TAS2R1: variants seen among roughly 807,000 people sequenced by gnomAD.
TAS2R1 encodes taste 2 receptor member 1.
For missense variants in TAS2R1, 370 were observed against 353.4 expected (o/e 1.05, Z -0.38); for synonymous variants, 141 against 134.2 (o/e 1.05, Z -0.35).
the TAS2R1 span, chr5:9,903,867 T>C: frequency 2.0e-5 from 3 of 152,064 alleles, no homozygotes; most frequent in Admixed American, 6.6e-5. Flanking sequence ...CAGATGGGAG[T>C]ATGGTTCCTA....
chr5:9,711,410 C>T (rs992145140), intron 1 of TAS2R1, among the ~76,000 whole-genome samples: 4 of 152,258 alleles, frequency 2.6e-5, no homozygotes, highest in East Asian at 1.9e-4. Flanking sequence ...AATAAGTCAT[C>T]ACAGAAGGAC....
At chr5:9,794,585 T>G in the TAS2R1 span, among the ~76,000 whole-genome samples, 1 of 152,196 alleles carries the variant, frequency 6.6e-6, no homozygotes, top group Non-Finnish European at 1.5e-5. Context: ...TTTAACAGGT[T>G]AAGAAAAAAT....
chr5:9,665,300 T>A (rs1261360821), intron 1 of TAS2R1, among the ~76,000 whole-genome samples: 2 of 152,240 alleles, frequency 1.3e-5, no homozygotes, highest in African/African-American at 2.4e-5. Context: ...ATCGAGGCCA[T>A]CTGAACAATC....
rs1739810698 is a variant in TAS2R1, at chr5:9,628,893, C to A, written c.*240G>T. ...GGTAACAACTTGCACGATGATAGTACAATATCACTACCAGGATATTGAAAT... is the reference window on the plus strand; with the variant it reads ...GGTAACAACTTGCACGATGATAGTAAAATATCACTACCAGGATATTGAAAT... On this transcript the variant is annotated 3_prime_UTR_variant, in exon 1 of 1. Coordinates refer to ENST00000382492, the MANE Select transcript of TAS2R1 (RefSeq NM_019599.3). The A allele has an allele frequency of 2.6e-6, 1 of 381,434 alleles. No individual in the cohort carries two copies. The highest frequency in any genetic ancestry group is 1.1e-4 in the South Asian group (1 of 9,208). The allele number at this position is 381,434 out of a possible 1,614,324, so 23.6% of individuals were successfully genotyped here.
At chr5:9,806,573 C>A in the TAS2R1 span, among the ~76,000 whole-genome samples, 1 of 151,836 alleles carries the variant, frequency 6.6e-6, no homozygotes, top group Non-Finnish European at 1.5e-5. Context: ...AATAAAGAAT[C>A]CAGAAAAGAA....
At chr5:9,864,798 T>C in the TAS2R1 span, among the ~76,000 whole-genome samples, 1 of 151,730 alleles carries the variant, frequency 6.6e-6, no homozygotes, top group Non-Finnish European at 1.5e-5. Flanking sequence ...ATTCCAGAGA[T>C]TGGAAGTGAC....
At chr5:9,666,173 G>A (rs539748554) in intron 1 of TAS2R1, among the ~76,000 whole-genome samples, 1 of 152,220 alleles carries the variant, frequency 6.6e-6, no homozygotes, top group East Asian at 1.9e-4. Context: ...AAAAGCTTTT[G>A]TTTTTAAAAT....
At chr5:9,823,019 CAAAAAA>C in the TAS2R1 span, among the ~76,000 whole-genome samples, 2 of 114,426 alleles carry the variant, frequency 1.7e-5, no homozygotes, top group South Asian at 3.0e-4. Flanking sequence ...TCCTCTCCAC[CAAAAAA>C]AAAAAAAAAA....
At chr5:9,708,007 A>G (rs1393605415) in intron 1 of TAS2R1, among the ~76,000 whole-genome samples, 1 of 152,114 alleles carries the variant, frequency 6.6e-6, no homozygotes, top group East Asian at 1.9e-4. Flanking sequence ...TCTAGCGTTT[A>G]ATGAAAGTGA....
chr5:9,867,993 G>T, the TAS2R1 span, among the ~76,000 whole-genome samples: 42 of 152,298 alleles, frequency 2.8e-4, no homozygotes, highest in South Asian at 8.5e-3. Context: ...TCACATCCAG[G>T]TCATTCTGAT....
At chr5:9,740,542 A>G in the TAS2R1 span, among the ~76,000 whole-genome samples, 2 of 152,254 alleles carry the variant, frequency 1.3e-5, no homozygotes, top group Non-Finnish European at 2.9e-5. Flanking sequence ...ACTGGAAATC[A>G]ACAACCATCT....
chr5:9,791,419 C>A, the TAS2R1 span, among the ~76,000 whole-genome samples: 2 of 152,208 alleles, frequency 1.3e-5, no homozygotes, highest in Admixed American at 6.5e-5. Context: ...TGAAACCGGA[C>A]CGGGTGCAGT....
chr5:9,796,857 C>T, the TAS2R1 span, among the ~76,000 whole-genome samples: 1 of 152,066 alleles, frequency 6.6e-6, no homozygotes, highest in South Asian at 2.1e-4. Flanking sequence ...AATTAAAAAG[C>T]CCTACTTCAA....
chr5:9,840,735 C>G, the TAS2R1 span, among the ~76,000 whole-genome samples: 21 of 151,622 alleles, frequency 1.4e-4, no homozygotes, highest in Non-Finnish European at 1.6e-4. Flanking sequence ...CTGAAGAACT[C>G]CATTAGAATA....
chr5:9,899,428 G>C, the TAS2R1 span, among the ~76,000 whole-genome samples: 1 of 152,138 alleles, frequency 6.6e-6, no homozygotes, highest in Non-Finnish European at 1.5e-5. Context: ...CCTGAGGTCA[G>C]GAGTTCAAGA....
the TAS2R1 span, among the ~76,000 whole-genome samples, chr5:9,844,272 C>G: frequency 6.6e-6 from 1 of 152,114 alleles, no homozygotes; most frequent in Non-Finnish European, 1.5e-5. Context: ...CTTCCCATTG[C>G]TAATAGGAAA....
intron 1 of TAS2R1, among the ~76,000 whole-genome samples, chr5:9,695,439 A>G (rs563583182): frequency 6.6e-6 from 1 of 152,300 alleles, no homozygotes; most frequent in South Asian, 2.1e-4. Flanking sequence ...GTTGAGATAA[A>G]TTTAGGTAAA....
chr5:9,840,845 ATTTATTTATTTATTTTTT>A, the TAS2R1 span, among the ~76,000 whole-genome samples: 1 of 11,222 alleles, frequency 8.9e-5, no homozygotes, highest in Non-Finnish European at 2.0e-4. Flanking sequence ...TTATTTATTT[ATTTATTTATTTATTTTTT>A]TTTTTTTTTT....
the TAS2R1 span, among the ~76,000 whole-genome samples, chr5:9,793,587 C>T: frequency 1.3e-5 from 2 of 152,180 alleles, no homozygotes; most frequent in Non-Finnish European, 2.9e-5. Flanking sequence ...AATGCAGGTG[C>T]TCCGCTGCAG....
Sources: gnomAD v4.1 joint callset for allele counts (sites outside exome capture counted in the v4.1 genomes callset) on GRCh38, gnomAD v4.1.1 for gene constraint, MANE v1.5 for transcripts, NCBI Gene and HGNC (gene_info 2026-07-23, HGNC 2026-07-21) for gene names.